The following ABCG1 variants were observed in gnomAD, a reference collection of about 807,000 sequenced individuals.
The protein encoded by ABCG1 is ATP-binding cassette sub-family G member 1.
A neutral mutation model predicts 69.2 loss-of-function variants in ABCG1; 29 were observed. The observed-to-expected ratio is 0.42, with a 90% confidence interval of 0.31 to 0.57. ABCG1 has a LOEUF of 0.57. ABCG1 is among the 20% of genes least tolerant of loss of function. The pLI, the probability that ABCG1 is intolerant of heterozygous loss-of-function variation, is 0.15. For missense variants in ABCG1, 718 were observed against 898.1 expected (o/e 0.80, Z 2.56); for synonymous variants, 370 against 374.8 (o/e 0.99, Z 0.15).
rs547649704 is a variant in ABCG1 at position 42,296,567 on chromosome 21, G to A, written c.*175G>A. The A allele has an allele frequency of 1.5e-3, 919 of 610,034 alleles. 4 individuals are homozygous for A. The highest frequency in any genetic ancestry group is 2.0e-3 in the Non-Finnish European group (683 of 341,600). The allele number at this position is 610,034 out of a possible 1,614,324, so 37.8% of individuals were successfully genotyped here. On this transcript the variant is annotated 3_prime_UTR_variant, in exon 15 of 15. Coordinates refer to ENST00000398449, the MANE Select transcript of ABCG1 (RefSeq NM_016818.3). This position sits in a 1 kb window ranked among gnomAD's most constrained non-coding sequence, Gnocchi z 5.4. ...TCAGCCACTCTGCCCAGCTGGGTTGGATCTTCTCTCCATTCCCCTTTCTAG... is the reference window on the plus strand; with the variant it reads ...TCAGCCACTCTGCCCAGCTGGGTTGAATCTTCTCTCCATTCCCCTTTCTAG...
chr21:42,221,534 G>A (rs917964492), intron 1 of ABCG1, among the ~76,000 whole-genome samples: 4 of 152,150 alleles, frequency 2.6e-5, no homozygotes, highest in Admixed American at 2.0e-4. Context: ...CCAGTGGGAG[G>A]GTGGTATTTG....
rs750984103 is a variant in ABCG1, at chr21:42,225,840, G to T, written c.212G>T (p.Arg71Leu). 1 of 1,613,824 alleles carries T rather than the reference G, an allele frequency of 6.2e-7. No individual in the cohort carries two copies. Among genetic ancestry groups the T allele is most frequent in the African/African-American group, 1.3e-5 (1 of 74,820 alleles). ...TEAQRFSSLPRRAAVNIEFRD... is the reference protein window; with the variant it reads ...TEAQRFSSLPLRAAVNIEFRD... ...GCCCAGCGCTTCTCCTCCTTGCCTC[G>T]GAGGGCAGCTGTGAACATTGAATTC... Residue 71 changes from arginine (R) to leucine (L), a missense_variant, in exon 2 of 15, where the codon CGG becomes CTG. Transcript: ENST00000398449.
At chr21:42,234,033 G>T (rs962237927) in intron 2 of ABCG1, among the ~76,000 whole-genome samples, 12 of 147,778 alleles carry the variant, frequency 8.1e-5, no homozygotes, top group East Asian at 3.9e-4. Flanking sequence ...GTTTTTTTTT[G>T]TTGTTGTTGT....
intron 2 of ABCG1, among the ~76,000 whole-genome samples, chr21:42,267,396 G>T (rs59856860): frequency 1.3e-5 from 2 of 151,396 alleles, no homozygotes; most frequent in Non-Finnish European, 2.9e-5. Flanking sequence ...TCTGGGTCTG[G>T]TCTAGGTTCT....
intron 2 of ABCG1, among the ~76,000 whole-genome samples, chr21:42,252,398 C>G (rs1274563171): frequency 6.6e-6 from 1 of 152,090 alleles, no homozygotes; most frequent in African/African-American, 2.4e-5. Flanking sequence ...TAAGCAGAAC[C>G]CAGCTCCTTA....
Position 42,297,196 on chromosome 21 carries a change from T to A in ABCG1, c.*804T>A, listed in dbSNP as rs2069227996. On this transcript the variant is annotated 3_prime_UTR_variant, in exon 15 of 15. Transcript: ENST00000398449. ...CCAACTCTTTCAAAGTCTTTCTTTT[T>A]CCACGTGCTTCTTATTTTAAGCGAA... 6.6e-6 allele frequency: 1 copy of A among 152,260 alleles called. No individual in the cohort carries two copies. Among genetic ancestry groups the A allele is most frequent in the South Asian group, 2.1e-4 (1 of 4,834 alleles). 9.4% of individuals were successfully genotyped at this position (152,260 alleles called of 1,614,324 possible).
intron 2 of ABCG1, among the ~76,000 whole-genome samples, chr21:42,231,771 G>T (rs777209909): frequency 5.9e-5 from 9 of 152,230 alleles, no homozygotes; most frequent in Non-Finnish European, 1.0e-4. Flanking sequence ...GAAGGGGGAT[G>T]GATAGTTCCC....
chr21:42,295,514 G>A (rs1484499618), intron 14 of ABCG1, among the ~76,000 whole-genome samples: 7 of 152,148 alleles, frequency 4.6e-5, no homozygotes, highest in Non-Finnish European at 1.0e-4. Flanking sequence ...GTGTTGGCAC[G>A]CTGGCCCCAC....
At chr21:42,225,016 G>A (rs963989359) in intron 1 of ABCG1, among the ~76,000 whole-genome samples, 9 of 151,722 alleles carry the variant, frequency 5.9e-5, no homozygotes, top group African/African-American at 9.7e-5. Flanking sequence ...CCTGGAACAC[G>A]GTCCTTAAAT....
chr21:42,240,905 G>A (rs142124162), intron 2 of ABCG1, among the ~76,000 whole-genome samples: 5 of 152,348 alleles, frequency 3.3e-5, no homozygotes, highest in African/African-American at 4.8e-5. Context: ...TGACCAGCAC[G>A]GGCCACGCTT....
At position 42,287,906 on chromosome 21, in the gene ABCG1, G is replaced by A. The variant is rs145438298; in HGVS notation, c.991G>A (p.Gly331Ser). The change falls in exon 9 of 15, where the codon GGC becomes AGC. Residue 331 changes from glycine to serine, a missense_variant. By Grantham distance (56) the Gly-to-Ser change is moderately conservative (BLOSUM62 0). This residue lies in a region of ABCG1 where 514 missense variants were observed against 574.3 expected (regional missense o/e 0.90). Coordinates refer to ENST00000398449, the MANE Select transcript of ABCG1 (RefSeq NM_016818.3). The surrounding 1 kb of genome is among the most constrained non-coding windows in gnomAD (Gnocchi z 6.2). ...TCCTGCAGTCATGGAGGTTGCATCCGGCGAGTACGGTGATCAGAACAGTCG... is the reference window on the plus strand; with the variant it reads ...TCCTGCAGTCATGGAGGTTGCATCCAGCGAGTACGGTGATCAGAACAGTCG... ...PADFVMEVAS[G>S]EYGDQNSRLV... is the part of the protein sequence containing the mutation. 4.9e-5 allele frequency: 78 copies of A among 1,595,474 alleles called. No homozygotes were observed. The highest frequency in any genetic ancestry group is 6.0e-5 in the Non-Finnish European group (70 of 1,168,562).
chr21:42,251,068 G>T (rs1279608376), intron 2 of ABCG1, among the ~76,000 whole-genome samples: 1 of 152,180 alleles, frequency 6.6e-6, no homozygotes, highest in East Asian at 1.9e-4. Context: ...AGGAGCTAGG[G>T]CTGTCACTAT....
At position 42,267,213 on chromosome 21, in the gene ABCG1, G is replaced by A. The variant is rs182556018; in HGVS notation, c.287-3857G>A. Among the ~76,000 whole-genome samples the A allele has an allele frequency of 6.6e-5, 10 of 152,322 alleles. No individual in the cohort carries two copies. The South Asian group carries it at 1.0e-3, about 16-fold the overall frequency. ...GGCCCTGCCCGCCTAGCGCTCTCGC[G>A]GGTTCTGGTCTGCAGTTTTTATCTG... On this transcript the variant is annotated intron_variant, in intron 2 of 14. Transcript: ENST00000398449.
chr21:42,229,845 G>A (rs571626003), intron 2 of ABCG1, among the ~76,000 whole-genome samples: 1 of 152,320 alleles, frequency 6.6e-6, no homozygotes, highest in South Asian at 2.1e-4. Context: ...GCCAGGGCTA[G>A]GACCCAGCTA....
Position 42,287,985 on chromosome 21 carries a change from T to A in ABCG1, c.1070T>A (p.Leu357His). The A allele has an allele frequency of 6.2e-7, 1 of 1,613,592 alleles. No individual in the cohort carries two copies. The highest frequency in any genetic ancestry group is 1.1e-5 in the South Asian group (1 of 91,026). The change falls in exon 9 of 15, where the codon CTC becomes CAC. Residue 357 changes from leucine to histidine, a missense_variant. Coordinates refer to ENST00000398449, the MANE Select transcript of ABCG1 (RefSeq NM_016818.3). The surrounding 1 kb of genome is among the most constrained non-coding windows in gnomAD (Gnocchi z 6.2). ...TGTGACTCAGACCACAAGAGAGACC[T>A]CGGGGGTGATGCCGAGGTGAACCCT... ...GMCDSDHKRD[L>H]GGDAEVNPFL... is the part of the protein sequence containing the mutation.
chr21:42,282,294 G>A lies in ABCG1; in HGVS notation c.609G>A (p.Ala203=), dbSNP rs201037860. 39 of 1,612,302 alleles carry A rather than the reference G, an allele frequency of 2.4e-5. No individual in the cohort carries two copies. The highest frequency in any genetic ancestry group is 3.9e-4 in the Middle Eastern group (2 of 5,136). ...CCCAGGTCAAGGAGATACTGACAGCGCTGGGCTTGCTGTCTTGCGCCAACA... is the reference window on the plus strand; with the variant it reads ...CCCAGGTCAAGGAGATACTGACAGCACTGGGCTTGCTGTCTTGCGCCAACA... The part of the protein sequence containing the change: ...RREMVKEILT[A]LGLLSCANTR... The change falls in exon 6 of 15, where the codon GCG becomes GCA. Residue 203 remains alanine (A), a synonymous_variant. Transcript: ENST00000398449.
At chr21:42,245,170 A>G (rs755335145) in intron 2 of ABCG1, among the ~76,000 whole-genome samples, 1 of 152,220 alleles carries the variant, frequency 6.6e-6, no homozygotes, top group Middle Eastern at 3.4e-3. Context: ...CACACTTTGT[A>G]CCAGGGAGTG....
In ABCG1 at chr21:42,273,618, A is replaced by G. The variant is rs1411577953; in HGVS notation, c.537+183A>G. ...CACCAGACTCGCTGTTGGGACAGGCAGCATCATCCCAAAACCCCCCAAGAC... is the reference window on the plus strand; with the variant it reads ...CACCAGACTCGCTGTTGGGACAGGCGGCATCATCCCAAAACCCCCCAAGAC... On this transcript the variant is annotated intron_variant, in intron 4 of 14. Coordinates refer to ENST00000398449, the MANE Select transcript of ABCG1 (RefSeq NM_016818.3). The surrounding 1 kb of genome is among the most constrained non-coding windows in gnomAD (Gnocchi z 5.3). 6.6e-6 allele frequency among the ~76,000 whole-genome samples: 1 copy of G among 152,174 alleles called. No individual in the cohort carries two copies. Among genetic ancestry groups the G allele is most frequent in the Admixed American group, 6.5e-5 (1 of 15,280 alleles).
At chr21:42,240,763 A>C (rs2068039695) in intron 2 of ABCG1, among the ~76,000 whole-genome samples, 1 of 152,272 alleles carries the variant, frequency 6.6e-6, no homozygotes, top group South Asian at 2.1e-4. Flanking sequence ...GTTAATTTTA[A>C]TGAGAATGAA....
Sources: allele counts gnomAD v4.1 joint callset (sites outside exome capture counted in the v4.1 genomes callset), GRCh38; gene constraint gnomAD v4.1.1; regional missense constraint gnomAD v4.1.1; non-coding constraint Gnocchi (gnomAD v3.1); transcripts MANE v1.5; gene names NCBI Gene and HGNC (gene_info 2026-07-23, HGNC 2026-07-21).